MGAT4C: variants seen among roughly 807,000 people sequenced by gnomAD.
MGAT4C encodes alpha-1,3-mannosyl-glycoprotein 4-beta-N-acetylglucosaminyltransferase C.
MGAT4C carries 19 observed loss-of-function variants against 40.1 expected under a neutral mutation model. The observed-to-expected ratio is 0.47, with a 90% confidence interval of 0.33 to 0.70. The LOEUF (loss-of-function observed/expected upper bound fraction) is 0.70. Ranked by LOEUF, MGAT4C falls within the 30% of genes least tolerant of loss-of-function variation. The pLI is 0.02. For missense variants in MGAT4C, 491 were observed against 563.2 expected (o/e 0.87, Z 1.30); for synonymous variants, 181 against 187.1 (o/e 0.97, Z 0.27).
At chr12:86,833,550 C>G (rs909619696) in intron 1 of MGAT4C, among the ~76,000 whole-genome samples, 3 of 151,856 alleles carry the variant, frequency 2.0e-5, no homozygotes, top group African/African-American at 7.3e-5. Context: ...AGTCTTTCCT[C>G]TGTGTAAGTC....
chr12:86,739,962 C>T (rs1235192023), intron 1 of MGAT4C, among the ~76,000 whole-genome samples: 5 of 150,594 alleles, frequency 3.3e-5, no homozygotes, highest in African/African-American at 4.9e-5. Context: ...TATAATATTC[C>T]TTATGAGCTA....
At chr12:86,710,512 G>C (rs920463565) in intron 2 of MGAT4C, among the ~76,000 whole-genome samples, 9 of 152,156 alleles carry the variant, frequency 5.9e-5, no homozygotes, top group Non-Finnish European at 2.9e-5. Context: ...TTCTTCAAGA[G>C]TAAGGTGGCA....
intron 3 of MGAT4C, among the ~76,000 whole-genome samples, chr12:86,349,221 C>A (rs75148214): frequency 0.092 from 13,961 of 152,106 alleles, 799 homozygotes; most frequent in Middle Eastern, 0.22. Flanking sequence ...GGAAATTAGA[C>A]CAACACTATG....
rs1484287325 is a variant in MGAT4C at position 85,965,695 on chromosome 12, G to A, written c.*13594C>T. On this transcript the variant is annotated 3_prime_UTR_variant, in exon 5 of 5. Transcript: ENST00000611864. ...TAATTATGAACAAACTGTTCATGAA[G>A]TGATCAATTGAATTTGAAACAGAAC... 6.6e-6 allele frequency: 1 copy of A among 151,268 alleles called. No individual in the cohort carries two copies. Among genetic ancestry groups the A allele is most frequent in the Admixed American group, 6.6e-5 (1 of 15,188 alleles). The allele number at this position is 151,268 out of a possible 1,614,324, so 9.4% of individuals were successfully genotyped here. A position where few individuals can be genotyped will look rare whatever the true frequency, so the allele number is the denominator to read the frequency against.
intron 4 of MGAT4C, among the ~76,000 whole-genome samples, chr12:86,265,140 G>T (rs1468542353): frequency 6.6e-6 from 1 of 151,828 alleles, no homozygotes; most frequent in African/African-American, 2.4e-5. Context: ...GCTGTGCGCA[G>T]TGGCCAGACC....
chr12:86,203,179 T>C (rs1950112730), intron 1 of MGAT4C, among the ~76,000 whole-genome samples: 1 of 152,200 alleles, frequency 6.6e-6, no homozygotes, highest in African/African-American at 2.4e-5. Context: ...ACAGATCTTC[T>C]GTATTTTGTT....
intron 2 of MGAT4C, among the ~76,000 whole-genome samples, chr12:86,523,128 C>A (rs972195433): frequency 1.3e-5 from 2 of 151,702 alleles, no homozygotes; most frequent in African/African-American, 4.8e-5. Flanking sequence ...TATTTATTGT[C>A]TTCTAGTTTT....
chr12:86,319,197 C>T (rs1181991241), intron 4 of MGAT4C, among the ~76,000 whole-genome samples: 1 of 152,180 alleles, frequency 6.6e-6, no homozygotes, highest in Non-Finnish European at 1.5e-5. Context: ...TCCTAGATGA[C>T]TTCCTATGTC....
chr12:86,078,624 G>A (rs539401168), intron 1 of MGAT4C, among the ~76,000 whole-genome samples: 173 of 152,318 alleles, frequency 1.1e-3, no homozygotes, highest in Non-Finnish European at 1.9e-3. Flanking sequence ...AGTGTTGGTC[G>A]CTGCTGCTGG....
rs570747540 is a variant in MGAT4C, at chr12:86,494,632, AC to A, written c.-228-59368del. ...ACCATAGCAATCATTTAAAAAAAAA[AC>A]GTGCTTTAAAATCTTCTACAGGAAG... On this transcript the variant is annotated intron_variant, in intron 2 of 7. Transcript: ENST00000548651. Among the ~76,000 whole-genome samples the A allele has an allele frequency of 3.3e-3, 501 of 151,986 alleles. 1 individual carries two copies. The highest frequency in any genetic ancestry group is 0.012 in the African/African-American group (482 of 41,528).
intron 4 of MGAT4C, among the ~76,000 whole-genome samples, chr12:86,292,718 G>A (rs1244251211): frequency 6.6e-6 from 1 of 152,152 alleles, no homozygotes; most frequent in African/African-American, 2.4e-5. Context: ...ATTGATAACA[G>A]CTACAGCTTG....
intron 3 of MGAT4C, among the ~76,000 whole-genome samples, chr12:86,387,275 C>G (rs1030393460): frequency 6.6e-6 from 1 of 152,062 alleles, no homozygotes; most frequent in Non-Finnish European, 1.5e-5. Context: ...TATGCCACTT[C>G]TAACTTCTAG....
intron 4 of MGAT4C, among the ~76,000 whole-genome samples, chr12:86,273,119 T>C (rs1313967028): frequency 6.6e-6 from 1 of 152,140 alleles, no homozygotes; most frequent in Non-Finnish European, 1.5e-5. Flanking sequence ...GGAGAAATAT[T>C]TGAAAAACAA....
At chr12:86,516,736 A>G (rs1167748002) in intron 2 of MGAT4C, among the ~76,000 whole-genome samples, 1 of 152,192 alleles carries the variant, frequency 6.6e-6, no homozygotes, top group South Asian at 2.1e-4. Flanking sequence ...AAAGACTTAT[A>G]TAAACAACTG....
At chr12:86,132,755 G>A (rs1295832427) in intron 1 of MGAT4C, among the ~76,000 whole-genome samples, 1 of 130,296 alleles carries the variant, frequency 7.7e-6, no homozygotes, top group African/African-American at 3.0e-5. Flanking sequence ...TCGCGCCACT[G>A]CACTCCAGCC....
intron 1 of MGAT4C, among the ~76,000 whole-genome samples, chr12:86,167,712 C>T (rs1040865563): frequency 2.0e-5 from 3 of 152,146 alleles, no homozygotes; most frequent in African/African-American, 7.2e-5. Flanking sequence ...CAATATTAAT[C>T]GATTCATAAA....
intron 2 of MGAT4C, among the ~76,000 whole-genome samples, chr12:86,683,606 C>T (rs1410813118): frequency 6.6e-6 from 1 of 152,156 alleles, no homozygotes; most frequent in African/African-American, 2.4e-5. Flanking sequence ...CTCACCATGA[C>T]TCACCACTAT....
chr12:86,749,764 C>T (rs2059774), intron 1 of MGAT4C, among the ~76,000 whole-genome samples: 59,037 of 151,432 alleles, frequency 0.39, 11,612 homozygotes, highest in Non-Finnish European at 0.42. Context: ...TTAATGACTT[C>T]TACCTTTTTG....
chr12:86,700,052 A>ATAGATAGATAGATAGG (rs1310167771), intron 2 of MGAT4C, among the ~76,000 whole-genome samples: 7 of 151,686 alleles, frequency 4.6e-5, no homozygotes, highest in African/African-American at 1.7e-4. Context: ...AGATAGATAG[A>ATAGATAGATAGATAGG]TAGATAGATA....
Sources: allele counts gnomAD v4.1 joint callset (sites outside exome capture counted in the v4.1 genomes callset), GRCh38; gene constraint gnomAD v4.1.1; transcripts MANE v1.5; gene names NCBI Gene and HGNC (gene_info 2026-07-23, HGNC 2026-07-21).